The following OSBPL6 variants were observed in gnomAD, a reference collection of about 807,000 sequenced individuals.
OSBPL6 encodes the protein oxysterol binding protein like 6, also known as oxysterol-binding protein-related protein 6.
OSBPL6 carries 49 observed loss-of-function variants against 125.8 expected under a neutral mutation model. That is an observed-to-expected ratio of 0.39 (90% confidence interval 0.31 to 0.49). The LOEUF is 0.49. Ranked by LOEUF, OSBPL6 falls within the 20% of genes least tolerant of loss-of-function variation. The pLI is 0.88. For missense variants in OSBPL6, 986 were observed against 1,135.4 expected, an observed-to-expected ratio of 0.87 and a Z score of 1.89; for synonymous variants, 394 against 391.8, an observed-to-expected ratio of 1.01 and a Z score of -0.07.
In OSBPL6 at chr2:178,372,142, C is replaced by G; in HGVS notation, c.1304C>G (p.Ala435Gly). The change falls in exon 14 of 25, where the codon GCT becomes GGT. Residue 435 changes from alanine (A) to glycine (G), a missense_variant. Physicochemically the swap from Ala to Gly is moderately conservative, Grantham distance 60. Coordinates refer to ENST00000190611, the MANE Select transcript of OSBPL6 (RefSeq NM_032523.4). ...QSLSQALNQNAELRSRLNRIH... is the reference protein window; with the variant it reads ...QSLSQALNQNGELRSRLNRIH... ...TATTTTAAGGCACTCAACCAGAATG[C>G]TGAACTAAGGAGTCGGTTGAACAGA... 1 of 1,612,216 alleles carries G rather than the reference C, an allele frequency of 6.2e-7. No individual in the cohort carries two copies. Among genetic ancestry groups the G allele is most frequent in the Non-Finnish European group, 8.5e-7 (1 of 1,179,024 alleles).
chr2:178,218,045 T>G (rs778851873), intron 1 of OSBPL6, among the ~76,000 whole-genome samples: 1 of 152,242 alleles, frequency 6.6e-6, no homozygotes, highest in Non-Finnish European at 1.5e-5. Flanking sequence ...TTTGTACTGT[T>G]CTGAGAGTTT....
At chr2:178,232,647 A>T (rs915101333) in intron 1 of OSBPL6, among the ~76,000 whole-genome samples, 1 of 151,798 alleles carries the variant, frequency 6.6e-6, no homozygotes, top group Non-Finnish European at 1.5e-5. Flanking sequence ...CTAGCTCATT[A>T]CTCTTAGCAT....
chr2:178,371,362 T>A (rs1396287545), intron 13 of OSBPL6, among the ~76,000 whole-genome samples: 3 of 152,210 alleles, frequency 2.0e-5, no homozygotes, highest in African/African-American at 7.2e-5. Context: ...AAAGCTGTTC[T>A]CTTCTTGTAA....
At chr2:178,376,474 C>G (rs1693885385) in intron 15 of OSBPL6, among the ~76,000 whole-genome samples, 1 of 152,068 alleles carries the variant, frequency 6.6e-6, no homozygotes, top group African/African-American at 2.4e-5. Flanking sequence ...TGCTCCAATT[C>G]AGTTCCCATC....
intron 2 of OSBPL6, among the ~76,000 whole-genome samples, chr2:178,301,661 C>A (rs1366809006): frequency 6.6e-6 from 1 of 152,110 alleles, no homozygotes; most frequent in Non-Finnish European, 1.5e-5. Context: ...ACTGGGAGAA[C>A]TATAGTTTCA....
At chr2:178,217,317 G>A (rs1559126229) in intron 1 of OSBPL6, among the ~76,000 whole-genome samples, 1 of 152,208 alleles carries the variant, frequency 6.6e-6, no homozygotes, top group Admixed American at 6.5e-5. Context: ...CCAAAGAACT[G>A]TTTTGAATTG....
intron 1 of OSBPL6, among the ~76,000 whole-genome samples, chr2:178,247,011 T>TCCCCTC (rs533968337): frequency 1.4e-5 from 1 of 73,782 alleles, no homozygotes; most frequent in African/African-American, 6.9e-5. Context: ...AACCTGCCCC[T>TCCCCTC]CCCCACCCCC....
At chr2:178,372,426 C>G (rs1264216788) in intron 14 of OSBPL6, among the ~76,000 whole-genome samples, 193 bp downstream of exon 14, 1 of 152,096 alleles carries the variant, frequency 6.6e-6, no homozygotes, top group Non-Finnish European at 1.5e-5. Context: ...ACCTGGTGAT[C>G]AGTGTCTATT....
In OSBPL6 at chr2:178,395,583, C is replaced by T. The variant is rs138943555; in HGVS notation, c.*24C>T. The T allele has an allele frequency of 8.4e-4, 1,230 of 1,471,882 alleles. 19 individuals carry two copies. The East Asian group carries it at 0.025, about 30-fold the overall frequency. The allele number at this position is 1,471,882 out of a possible 1,614,324, so 91.2% of individuals were successfully genotyped here. On this transcript the variant is annotated 3_prime_UTR_variant, in exon 25 of 25. Coordinates refer to ENST00000190611, the MANE Select transcript of OSBPL6 (RefSeq NM_032523.4). ...AGACTGGGAATGTAGAGCTAGCCAA[C>T]ATATCACATTCTGAATGAATAAATA...
At chr2:178,308,042 A>G (rs1396415160) in intron 3 of OSBPL6, among the ~76,000 whole-genome samples, 2 of 152,206 alleles carry the variant, frequency 1.3e-5, no homozygotes, top group Non-Finnish European at 2.9e-5. Context: ...ATGGATAATG[A>G]GTTCTAGAAA....
chr2:178,277,980 C>T (rs2092503549), intron 1 of OSBPL6, among the ~76,000 whole-genome samples: 1 of 152,226 alleles, frequency 6.6e-6, no homozygotes, highest in Non-Finnish European at 1.5e-5. Context: ...AGACCTTCCA[C>T]GCTGTTTCAA....
At chr2:178,224,272 A>C (rs1425624457) in intron 1 of OSBPL6, among the ~76,000 whole-genome samples, 1 of 152,186 alleles carries the variant, frequency 6.6e-6, no homozygotes, top group Non-Finnish European at 1.5e-5. Context: ...AATAAGAGCA[A>C]ATGATTTGTG....
At chr2:178,255,990 G>A (rs570992635) in intron 1 of OSBPL6, among the ~76,000 whole-genome samples, 56 of 152,296 alleles carry the variant, frequency 3.7e-4, no homozygotes, top group African/African-American at 1.3e-3. Flanking sequence ...CTGGGGGGTT[G>A]GAGGGCAGCA....
chr2:178,326,333 C>A (rs972755086), intron 4 of OSBPL6, among the ~76,000 whole-genome samples: 2 of 152,018 alleles, frequency 1.3e-5, no homozygotes, highest in Admixed American at 6.6e-5. Flanking sequence ...ACTGTCTGTT[C>A]TTATTTATTG....
chr2:178,341,871 A>T (rs1349756007), intron 11 of OSBPL6, among the ~76,000 whole-genome samples: 1 of 152,004 alleles, frequency 6.6e-6, no homozygotes, highest in East Asian at 1.9e-4. Flanking sequence ...ATTCTCTACT[A>T]CTGGGAAGTT....
intron 1 of OSBPL6, among the ~76,000 whole-genome samples, chr2:178,276,407 C>T (rs1227906860): frequency 7.2e-6 from 1 of 139,368 alleles, no homozygotes; most frequent in Non-Finnish European, 1.5e-5. Flanking sequence ...GAGTCTCGCT[C>T]TGTCGCCCAG....
chr2:178,355,340 G>A (rs964444919), intron 12 of OSBPL6, among the ~76,000 whole-genome samples: 4 of 152,016 alleles, frequency 2.6e-5, no homozygotes, highest in Non-Finnish European at 5.9e-5. Flanking sequence ...TAGACTGCTA[G>A]CAAGACTAAT....
At chr2:178,228,337 C>G (rs1044545611) in intron 1 of OSBPL6, among the ~76,000 whole-genome samples, 1 of 152,152 alleles carries the variant, frequency 6.6e-6, no homozygotes, top group Non-Finnish European at 1.5e-5. Context: ...AGATCGAGAC[C>G]ATCCTGGCTA....
At chr2:178,236,475 G>A (rs770114822) in intron 1 of OSBPL6, among the ~76,000 whole-genome samples, 27 of 152,178 alleles carry the variant, frequency 1.8e-4, no homozygotes, top group Admixed American at 7.2e-4. Flanking sequence ...GTCAGACAGC[G>A]TTGGTTTCTG....
Sources: allele counts gnomAD v4.1 joint callset (sites outside exome capture counted in the v4.1 genomes callset), GRCh38; gene constraint gnomAD v4.1.1; transcripts MANE v1.5; gene names NCBI Gene and HGNC (gene_info 2026-07-23, HGNC 2026-07-21).